The following GNG4 variants were observed in gnomAD, a reference collection of about 807,000 sequenced individuals.
GNG4 encodes the protein guanine nucleotide-binding protein G(I)/G(S)/G(O) subunit gamma-4.
A neutral mutation model predicts 5.8 loss-of-function variants in GNG4; 4 were observed. The observed-to-expected ratio is 0.69, with a 90% confidence interval of 0.34 to 1.57. GNG4 has a LOEUF of 1.57. GNG4 is among the 40% of genes most tolerant of loss of function. The pLI, the probability that GNG4 is intolerant of heterozygous loss-of-function variation, is 0.06. For missense variants in GNG4, 96 were observed against 95.1 expected, an observed-to-expected ratio of 1.01 and a Z score of -0.04; for synonymous variants, 29 against 32.9, an observed-to-expected ratio of 0.88 and a Z score of 0.41.
intron 3 of GNG4, among the ~76,000 whole-genome samples, chr1:235,555,950 C>T (rs1435726654): frequency 6.6e-6 from 1 of 151,994 alleles, no homozygotes; most frequent in Non-Finnish European, 1.5e-5. Context: ...TCACTGTAAC[C>T]TCTGCCTCCT....
chr1:235,568,439 A>G (rs1687254712), intron 3 of GNG4, among the ~76,000 whole-genome samples: 1 of 152,250 alleles, frequency 6.6e-6, no homozygotes, highest in South Asian at 2.1e-4. Flanking sequence ...TCATGTGTAA[A>G]TTAACATAAT....
At chr1:235,615,656 A>T in intron 1 of GNG4, 1 of 214,446 alleles carries the variant, frequency 4.7e-6, no homozygotes, top group Non-Finnish European at 1.0e-5. Context: ...TATTTTTCAG[A>T]GATCTTGAAG....
chr1:235,561,842 TG>T (rs776783429), intron 3 of GNG4, among the ~76,000 whole-genome samples: 11 of 152,256 alleles, frequency 7.2e-5, no homozygotes, highest in Non-Finnish European at 1.3e-4. Flanking sequence ...CTTTTTTCTT[TG>T]ATGGATTGTG....
chr1:235,632,744 C>A (rs1688958864), intron 1 of GNG4, among the ~76,000 whole-genome samples: 1 of 152,086 alleles, frequency 6.6e-6, no homozygotes, highest in South Asian at 2.1e-4. Context: ...TTGGCACATT[C>A]CTAGAATATT....
chr1:235,614,105 G>T (rs187109082), intron 1 of GNG4, among the ~76,000 whole-genome samples: 1 of 152,200 alleles, frequency 6.6e-6, no homozygotes, highest in African/African-American at 2.4e-5. Flanking sequence ...GAGCCGCTGC[G>T]CCTGGCCTAG....
At chr1:235,606,252 T>G (rs763925118) in intron 1 of GNG4, among the ~76,000 whole-genome samples, 14 of 152,036 alleles carry the variant, frequency 9.2e-5, no homozygotes, top group Non-Finnish European at 1.3e-4. Context: ...CATGGTGGCA[T>G]GCACCTGTAA....
intron 2 of GNG4, among the ~76,000 whole-genome samples, chr1:235,593,725 A>G (rs1202004601): frequency 6.6e-6 from 1 of 151,852 alleles, no homozygotes; most frequent in Non-Finnish European, 1.5e-5. Context: ...CTTCACGGTG[A>G]GTGTTACAGC....
At chr1:235,592,041 C>T (rs72761729) in intron 2 of GNG4, among the ~76,000 whole-genome samples, 7,614 of 152,238 alleles carry the variant, frequency 0.05, 249 homozygotes, top group African/African-American at 0.077. Context: ...GCCAAGGAAG[C>T]TAGAATTACG....
rs1003631351 is a variant in GNG4, at chr1:235,549,917, G to A, written c.*2192C>T. On this transcript the variant is annotated 3_prime_UTR_variant, in exon 4 of 4. Coordinates refer to ENST00000391854, the MANE Select transcript of GNG4 (RefSeq NM_001098722.2). ...GATAATCAGAGCTTTCATCTATGTA[G>A]CATCTCTGTTTCCTCCCAGACAGAA... 6.6e-6 allele frequency: 1 copy of A among 152,162 alleles called. No homozygotes were observed. Among genetic ancestry groups the A allele is most frequent in the Admixed American group, 6.5e-5 (1 of 15,274 alleles). The allele number at this position is 152,162 out of a possible 1,614,324, so 9.4% of individuals were successfully genotyped here.
intron 2 of GNG4, among the ~76,000 whole-genome samples, chr1:235,586,685 C>T (rs966751610): frequency 7.2e-5 from 11 of 152,054 alleles, no homozygotes; most frequent in East Asian, 1.9e-4. Flanking sequence ...AAGTGTGTGT[C>T]GCCTTCCTGC....
intron 1 of GNG4, among the ~76,000 whole-genome samples, chr1:235,647,169 T>C (rs1657531810): frequency 6.6e-6 from 1 of 152,144 alleles, no homozygotes; most frequent in African/African-American, 2.4e-5. Context: ...TTTCTGGTTT[T>C]AAAAAAGAAA....
At chr1:235,634,214 G>A (rs1571924617) in intron 1 of GNG4, among the ~76,000 whole-genome samples, 1 of 152,184 alleles carries the variant, frequency 6.6e-6, no homozygotes, top group Admixed American at 6.5e-5. Flanking sequence ...AGTGGTTACT[G>A]TCTGGGGCCA....
intron 1 of GNG4, among the ~76,000 whole-genome samples, chr1:235,609,750 A>C (rs935777621): frequency 2.6e-5 from 4 of 151,720 alleles, no homozygotes; most frequent in Non-Finnish European, 5.9e-5. Context: ...CCATCTCTAC[A>C]AAAAAAATTA....
At chr1:235,595,024 T>C (rs141923539) in intron 2 of GNG4, among the ~76,000 whole-genome samples, 258 of 152,258 alleles carry the variant, frequency 1.7e-3, no homozygotes, top group African/African-American at 6.0e-3. Context: ...CCTCCTTTCA[T>C]CCTTGCTGAA....
intron 3 of GNG4, among the ~76,000 whole-genome samples, chr1:235,563,143 C>A (rs1687109673): frequency 1.3e-5 from 2 of 152,090 alleles, no homozygotes; most frequent in African/African-American, 4.8e-5. Context: ...GAAGTATAGG[C>A]CAGGCGTGAT....
At chr1:235,590,983 G>A (rs1687946869) in intron 2 of GNG4, among the ~76,000 whole-genome samples, 1 of 152,162 alleles carries the variant, frequency 6.6e-6, no homozygotes, top group African/African-American at 2.4e-5. Flanking sequence ...TGGCTCTGGG[G>A]TAGGGGCCGA....
In GNG4 at chr1:235,600,100, C is replaced by CTTTTTTTTTTTTTTTT. The variant is rs533853180; in HGVS notation, c.-122-4605_-122-4590dup. On this transcript the variant is annotated intron_variant, in intron 1 of 3. Transcript: ENST00000391854. ...TCCTTTATCTGGTTGCGGAAGAAAG[C>CTTTTTTTTTTTTTTTT]TTTTTTTTTTTTTTTTTTTTTTTTT... is the stretch of plus-strand genomic sequence containing the variant. Among the ~76,000 whole-genome samples the CTTTTTTTTTTTTTTTT allele has an allele frequency of 1.4e-4, 6 of 43,138 alleles. 2 individuals are homozygous for CTTTTTTTTTTTTTTTT. Among genetic ancestry groups the CTTTTTTTTTTTTTTTT allele is most frequent in the African/African-American group, 3.1e-4 (3 of 9,718 alleles). 28.3% of individuals were successfully genotyped at this position (43,138 alleles called of 152,430 possible). A position where few individuals can be genotyped will look rare whatever the true frequency, so the allele number is the denominator to read the frequency against.
intron 3 of GNG4, among the ~76,000 whole-genome samples, chr1:235,554,098 A>G (rs1008632746): frequency 6.6e-6 from 1 of 152,192 alleles, no homozygotes; most frequent in African/African-American, 2.4e-5. Context: ...GAGCAGGAGC[A>G]CAGGCTTAAG....
intron 3 of GNG4, among the ~76,000 whole-genome samples, chr1:235,574,735 C>T (rs544903807): frequency 9.0e-6 from 1 of 111,020 alleles, no homozygotes; most frequent in East Asian, 1.9e-4. Context: ...AAAAATAGCT[C>T]TTTCTCTTTT....
Sources: allele counts gnomAD v4.1 joint callset (sites outside exome capture counted in the v4.1 genomes callset), GRCh38; gene constraint gnomAD v4.1.1; transcripts MANE v1.5; gene names NCBI Gene and HGNC (gene_info 2026-07-23, HGNC 2026-07-21).